Variants in TRPA1 observed in about 807,000 individuals in gnomAD.
The protein encoded by TRPA1 is transient receptor potential cation channel subfamily A member 1, also known as ankyrin-like with transmembrane domains 1.
A neutral mutation model predicts 131.3 loss-of-function variants in TRPA1; 129 were observed. The ratio of observed to expected loss-of-function variants is 0.98; its 90% CI spans 0.85 to 1.14. The LOEUF is 1.14. Ranked by LOEUF, TRPA1 falls within the 50% of genes most tolerant of loss-of-function variation. The probability of loss-of-function intolerance (pLI) is 0.00; values close to 1 mark genes in which losing one functional copy is unlikely to be tolerated. For synonymous variants in TRPA1, 441 were observed against 451.7 expected (o/e 0.98, Z 0.30); for missense variants, 1,304 against 1,354.2 (o/e 0.96, Z 0.58).
chr8:72,050,963 C>T (rs1805489513), intron 14 of TRPA1, 92 bp from the exon 15 acceptor site: 10 of 950,924 alleles, frequency 1.1e-5, no homozygotes, highest in Non-Finnish European at 1.0e-5. Flanking sequence ...TTAGGGGAAA[C>T]CTAAACTTAA....
chr8:72,078,449 C>A (rs1025204231), upstream of TRPA1, among the ~76,000 whole-genome samples: 1 of 152,102 alleles, frequency 6.6e-6, no homozygotes, highest in East Asian at 1.9e-4. Flanking sequence ...TTGGAGCACA[C>A]TTTCTATCTC....
At position 72,075,289 on chromosome 8, in the gene TRPA1, C is replaced by T. The variant is rs757940972; in HGVS notation, c.111+10G>A. ...CGGAACCCCTCCAGACCCGCGAGCCCCCAGAGTACCTTAAGCGATTCCTTG... is the reference window on the plus strand; with the variant it reads ...CGGAACCCCTCCAGACCCGCGAGCCTCCAGAGTACCTTAAGCGATTCCTTG... On this transcript the variant is annotated intron_variant, in intron 1 of 26. Coordinates refer to ENST00000262209, the MANE Select transcript of TRPA1 (RefSeq NM_007332.3). The T allele has an allele frequency of 5.0e-6, 8 of 1,609,836 alleles. No individual in the cohort carries two copies. The highest frequency in any genetic ancestry group is 5.1e-6 in the Non-Finnish European group (6 of 1,176,830).
At chr8:72,056,893 T>C (rs956079306) in intron 10 of TRPA1, 24 bp downstream of exon 10, 61 of 1,533,572 alleles carry the variant, frequency 4.0e-5, no homozygotes, top group Non-Finnish European at 5.1e-5. Flanking sequence ...ACTCAGTTAA[T>C]GGCAATCCAC....
At chr8:72,053,600 A>G (rs1805583235) in intron 13 of TRPA1, 153 bp downstream of exon 13, 1 of 679,700 alleles carries the variant, frequency 1.5e-6, no homozygotes, top group Admixed American at 2.1e-5. Flanking sequence ...CTTTTGATTC[A>G]TACTTCACCT....
At chr8:72,058,578 C>T (rs554548793) in intron 8 of TRPA1, among the ~76,000 whole-genome samples, 1 of 152,280 alleles carries the variant, frequency 6.6e-6, no homozygotes, top group South Asian at 2.1e-4. Context: ...TTGGCAAGCT[C>T]CACGGTCAGT....
chr8:72,071,478 A>G (rs1806058677), intron 2 of TRPA1, among the ~76,000 whole-genome samples: 1 of 152,218 alleles, frequency 6.6e-6, no homozygotes, highest in South Asian at 2.1e-4. Context: ...AAAAATTCAA[A>G]TGAAGTCTGT....
At chr8:72,068,565 T>C (rs1408518521) in intron 3 of TRPA1, among the ~76,000 whole-genome samples, 1 of 152,254 alleles carries the variant, frequency 6.6e-6, no homozygotes, top group African/African-American at 2.4e-5. Context: ...TCTCATTACC[T>C]TCCTCCTTTT....
chr8:72,027,105 TC>T (rs1811636831), intron 24 of TRPA1, among the ~76,000 whole-genome samples: 1 of 152,198 alleles, frequency 6.6e-6, no homozygotes, highest in African/African-American at 2.4e-5. Flanking sequence ...GTTCCTTTTT[TC>T]CCCTTTGCTC....
At chr8:72,063,632 G>A in intron 4 of TRPA1, 61 bp from the exon 5 acceptor site, 1 of 1,049,132 alleles carries the variant, frequency 9.5e-7, no homozygotes, top group Non-Finnish European at 1.5e-6. Context: ...AAGGGTGGAT[G>A]AGAATTTATG....
intron 1 of TRPA1, among the ~76,000 whole-genome samples, chr8:72,075,080 C>T (rs1218846671): frequency 3.3e-5 from 5 of 152,160 alleles, no homozygotes; most frequent in Non-Finnish European, 7.3e-5. Context: ...GTTGCCCGTC[C>T]AGGAGCAAGA....
At chr8:72,045,403 G>A (rs549899739) in intron 17 of TRPA1, among the ~76,000 whole-genome samples, 41 of 151,710 alleles carry the variant, frequency 2.7e-4, no homozygotes, top group African/African-American at 8.0e-4. Context: ...CTGCAATGAC[G>A]AAAATGTTTT....
intron 22 of TRPA1, 27 bp downstream of exon 22, chr8:72,034,221 A>G (rs1232089446): frequency 1.9e-6 from 3 of 1,589,274 alleles, no homozygotes; most frequent in Non-Finnish European, 2.6e-6. Flanking sequence ...ACAGCGACAA[A>G]ATCAACTACT....
At position 72,034,363 on chromosome 8, in the gene TRPA1, C is replaced by A; in HGVS notation, c.2570G>T (p.Gly857Val). 2 of 1,526,184 alleles carry A rather than the reference C, an allele frequency of 1.3e-6. No individual in the cohort carries two copies. The highest frequency in any genetic ancestry group is 1.2e-5 in the South Asian group (1 of 83,462). 94.5% of individuals were successfully genotyped at this position (1,526,184 alleles called of 1,614,324 possible). Residue 857 changes from glycine (G) to valine (V), a missense_variant, in exon 22 of 27, where the codon GGA becomes GTA. Coordinates refer to ENST00000262209, the MANE Select transcript of TRPA1 (RefSeq NM_007332.3). ...LLYLQRFENC[G>V]IFIVMLEVIL... ...TACCTCCAACATAACAATAAAAATT[C>A]CACAATTTTCAAATCTAGAAAAGTA...
Position 72,022,570 on chromosome 8 carries a change from T to G in TRPA1, c.*336A>C. ...CAAGCAGGAATTCAGTACTGACATTTGCATTTTAGCTTAATAGTTACATTT... is the reference window on the plus strand; with the variant it reads ...CAAGCAGGAATTCAGTACTGACATTGGCATTTTAGCTTAATAGTTACATTT... On this transcript the variant is annotated 3_prime_UTR_variant, in exon 27 of 27. Coordinates refer to ENST00000262209, the MANE Select transcript of TRPA1 (RefSeq NM_007332.3). The G allele has an allele frequency of 2.6e-6, 1 of 388,724 alleles. No individual in the cohort carries two copies. The highest frequency in any genetic ancestry group is 4.9e-6 in the Non-Finnish European group (1 of 205,040). The allele number at this position is 388,724 out of a possible 1,614,324, so 24.1% of individuals were successfully genotyped here.
rs201199553 is a variant in TRPA1, at chr8:72,053,787, T to A, written c.1610A>T (p.Asn537Ile). The stretch of plus-strand genomic sequence containing the variant: ...ATCCAGGCGATCTGTGCACTTCAAA[T>A]TAGTATCAAGAATGACCTTCATGGT... ...TQTMKVILDT[N>I]LKCTDRLDED... The change falls in exon 13 of 27, where the codon AAT (asparagine) becomes ATT (isoleucine). Residue 537 changes from asparagine to isoleucine, a missense_variant. Transcript: ENST00000262209. The A allele has an allele frequency of 6.2e-7, 1 of 1,612,636 alleles. No individual in the cohort carries two copies. Among genetic ancestry groups the A allele is most frequent in the East Asian group, 2.2e-5 (1 of 44,872 alleles).
At chr8:72,075,760 G>T (rs1234554867), upstream of TRPA1, 6 of 390,772 alleles carry the variant, frequency 1.5e-5, no homozygotes, top group Non-Finnish European at 2.4e-5. Context: ...CTGCAGCAGC[G>T]CACTGACGGA....
chr8:72,039,357 A>G (rs1183168510), intron 18 of TRPA1, among the ~76,000 whole-genome samples: 1 of 152,108 alleles, frequency 6.6e-6, no homozygotes, highest in Non-Finnish European at 1.5e-5. Context: ...CATGTTCTAT[A>G]CAATGATCCT....
upstream of TRPA1, chr8:72,075,678 C>G (rs1806165367): frequency 1.4e-5 from 7 of 499,260 alleles, no homozygotes; most frequent in Non-Finnish European, 2.6e-5. Context: ...GCAAAGAGGG[C>G]GGCGGCGCCG....
intron 13 of TRPA1, chr8:72,053,087 A>T (rs1449924136): frequency 3.0e-6 from 1 of 338,066 alleles, no homozygotes; most frequent in Non-Finnish European, 5.7e-6. Context: ...TTGCAATGGG[A>T]TGATTCCACA....
Sources: gnomAD v4.1 joint callset for allele counts (sites outside exome capture counted in the v4.1 genomes callset) on GRCh38, gnomAD v4.1.1 for gene constraint, MANE v1.5 for transcripts, NCBI Gene and HGNC (gene_info 2026-07-23, HGNC 2026-07-21) for gene names.